Variants in DPYD observed in about 807,000 individuals in gnomAD.
The protein encoded by DPYD is dihydropyrimidine dehydrogenase [NADP(+)].
Under a neutral mutation model 116.2 loss-of-function variants are expected in DPYD, and 109 were observed. The observed-to-expected ratio is 0.94, with a 90% CI of 0.80 to 1.10. The LOEUF (loss-of-function observed/expected upper bound fraction) is 1.10, where lower values mean the gene tolerates loss of function less well. Among genes scored for constraint, DPYD ranks in the 50% least tolerant of loss-of-function variants. The pLI is 0.00. For missense variants in DPYD, 1,302 were observed against 1,254.5 expected, an observed-to-expected ratio of 1.04 and a Z score of -0.57; for synonymous variants, 440 against 432.0, an observed-to-expected ratio of 1.02 and a Z score of -0.23.
intron 18 of DPYD, among the ~76,000 whole-genome samples, chr1:97,242,366 C>A (rs576544756): frequency 1.2e-3 from 181 of 150,728 alleles, no homozygotes; most frequent in African/African-American, 4.0e-3. Flanking sequence ...AAAATTGACA[C>A]GCAAATAGCT....
intron 5 of DPYD, among the ~76,000 whole-genome samples, chr1:97,699,927 T>C (rs915902551): frequency 6.6e-6 from 1 of 152,114 alleles, no homozygotes; most frequent in East Asian, 1.9e-4. Flanking sequence ...TCAGAAAACA[T>C]GTCACATGTA....
intron 16 of DPYD, among the ~76,000 whole-genome samples, chr1:97,315,355 T>C (rs1317151454): frequency 4.0e-5 from 6 of 151,826 alleles, no homozygotes; most frequent in Non-Finnish European, 7.4e-5. Flanking sequence ...TTCCGGTGAA[T>C]GTGGGACTCC....
intron 8 of DPYD, among the ~76,000 whole-genome samples, chr1:97,663,354 C>T (rs1659375120): frequency 6.6e-6 from 1 of 152,150 alleles, no homozygotes; most frequent in Non-Finnish European, 1.5e-5. Flanking sequence ...GTGTTGAAAA[C>T]ATCCCGACTT....
At chr1:97,796,099 C>T (rs1307224064) in intron 3 of DPYD, among the ~76,000 whole-genome samples, 1 of 151,970 alleles carries the variant, frequency 6.6e-6, no homozygotes, top group Non-Finnish European at 1.5e-5. Context: ...TACTTAACCC[C>T]ATTTTACAGA....
At chr1:97,258,986 A>G (rs953730994) in intron 18 of DPYD, among the ~76,000 whole-genome samples, 2 of 152,162 alleles carry the variant, frequency 1.3e-5, no homozygotes, top group African/African-American at 4.8e-5. Flanking sequence ...AAGGGTCAAC[A>G]GTGTCAAGAG....
intron 13 of DPYD, among the ~76,000 whole-genome samples, chr1:97,467,527 T>C (rs928319680): frequency 2.6e-5 from 4 of 152,192 alleles, no homozygotes; most frequent in African/African-American, 9.7e-5. Context: ...AAAATCCTCA[T>C]CTGTAAGCCA....
chr1:97,767,755 CT>C (rs34390188), intron 3 of DPYD, among the ~76,000 whole-genome samples: 3,673 of 112,408 alleles, frequency 0.033, 82 homozygotes, highest in African/African-American at 0.1. Flanking sequence ...TTGGGGCTGG[CT>C]TTTTTTTTTT....
chr1:97,918,568 G>A (rs544882741), intron 1 of DPYD, among the ~76,000 whole-genome samples: 8 of 152,222 alleles, frequency 5.3e-5, no homozygotes, highest in Admixed American at 3.3e-4. Flanking sequence ...GTTCCTAACC[G>A]TCAAATCCTG....
At chr1:97,307,418 T>A (rs1263314235) in intron 16 of DPYD, among the ~76,000 whole-genome samples, 1 of 151,876 alleles carries the variant, frequency 6.6e-6, no homozygotes, top group Admixed American at 6.6e-5. Context: ...CGAATTCCTT[T>A]AAGATGAGAT....
At chr1:97,342,311 C>G (rs530616904) in intron 16 of DPYD, among the ~76,000 whole-genome samples, 1 of 152,048 alleles carries the variant, frequency 6.6e-6, no homozygotes, top group Non-Finnish European at 1.5e-5. Flanking sequence ...CTTCGAAGAA[C>G]AACTAATTTA....
intron 14 of DPYD, among the ~76,000 whole-genome samples, chr1:97,382,824 A>G (rs1482045951): frequency 6.6e-6 from 1 of 152,198 alleles, no homozygotes; most frequent in Non-Finnish European, 1.5e-5. Context: ...TTGTCTAATT[A>G]TACAATGCCA....
intron 16 of DPYD, among the ~76,000 whole-genome samples, chr1:97,346,459 A>G (rs1669848360): frequency 6.6e-6 from 1 of 151,720 alleles, no homozygotes; most frequent in African/African-American, 2.4e-5. Context: ...TTCCTAATTT[A>G]TATCTTGTCT....
chr1:97,179,169 G>A (rs1307428271), intron 20 of DPYD, among the ~76,000 whole-genome samples: 2 of 152,154 alleles, frequency 1.3e-5, no homozygotes, highest in Non-Finnish European at 2.9e-5. Context: ...CCAAAAGCAC[G>A]CAAAGTCAGA....
chr1:97,570,172 A>C (rs747964409), intron 11 of DPYD, among the ~76,000 whole-genome samples: 2 of 152,034 alleles, frequency 1.3e-5, no homozygotes, highest in Non-Finnish European at 2.9e-5. Flanking sequence ...GGAATATTTC[A>C]GAAAAAACTG....
At chr1:97,558,209 G>A (rs999161983) in intron 11 of DPYD, among the ~76,000 whole-genome samples, 8 of 151,958 alleles carry the variant, frequency 5.3e-5, no homozygotes, top group Admixed American at 2.0e-4. Context: ...TTTCTGTTAC[G>A]CTAGGCACTA....
intron 18 of DPYD, among the ~76,000 whole-genome samples, chr1:97,264,801 A>G (rs1032664805): frequency 6.1e-5 from 8 of 130,618 alleles, no homozygotes; most frequent in African/African-American, 2.3e-4. Flanking sequence ...TCTGCTGACT[A>G]CAACCTTTTT....
At chr1:97,919,468 A>G (rs1674388001) in intron 1 of DPYD, among the ~76,000 whole-genome samples, 2 of 152,238 alleles carry the variant, frequency 1.3e-5, no homozygotes, top group South Asian at 4.1e-4. Context: ...AGTTAAGCAG[A>G]TAACACACCA....
intron 19 of DPYD, among the ~76,000 whole-genome samples, chr1:97,224,758 T>C (rs1200451791): frequency 6.6e-6 from 1 of 151,774 alleles, no homozygotes; most frequent in African/African-American, 2.4e-5. Flanking sequence ...AGAGAGATCA[T>C]ACAACATTTT....
intron 20 of DPYD, among the ~76,000 whole-genome samples, chr1:97,142,891 A>C (rs6668653): frequency 0.18 from 26,646 of 151,960 alleles, 2,365 homozygotes; most frequent in East Asian, 0.3. Flanking sequence ...ACTTATAGAA[A>C]ACTTTCAAAA....
Sources: gnomAD v4.1 joint callset for allele counts (sites outside exome capture counted in the v4.1 genomes callset) on GRCh38, gnomAD v4.1.1 for gene constraint, MANE v1.5 for transcripts, NCBI Gene and HGNC (gene_info 2026-07-23, HGNC 2026-07-21) for gene names.